Variants in PALM2AKAP2 observed in about 807,000 individuals in gnomAD.
The protein encoded by PALM2AKAP2 is PALM2 and AKAP2 fusion.
Under a neutral mutation model 71.5 loss-of-function variants are expected in PALM2AKAP2, and 37 were observed. The ratio of observed to expected loss-of-function variants is 0.52; its 90% CI spans 0.40 to 0.68. PALM2AKAP2 has a LOEUF of 0.68. PALM2AKAP2 is among the 30% of genes least tolerant of loss of function. The probability of loss-of-function intolerance (pLI) is 0.00; values close to 1 mark genes in which losing one functional copy is unlikely to be tolerated. For synonymous variants in PALM2AKAP2, 468 were observed against 478.8 expected, an observed-to-expected ratio of 0.98 and a Z score of 0.29; for missense variants, 1,224 against 1,191.8, an observed-to-expected ratio of 1.03 and a Z score of -0.40.
intron 1 of PALM2AKAP2, among the ~76,000 whole-genome samples, chr9:109,684,690 A>G (rs2118528047): frequency 6.6e-6 from 1 of 152,366 alleles, no homozygotes; most frequent in Non-Finnish European, 1.5e-5. Flanking sequence ...CACACAAAAT[A>G]AAACCTCTTT....
At chr9:110,012,369 C>T (rs572455752) in intron 6 of PALM2AKAP2, among the ~76,000 whole-genome samples, 1,559 of 152,094 alleles carry the variant, frequency 0.01, 25 homozygotes, top group African/African-American at 0.036. Context: ...CCAATTTTTG[C>T]CCTAATTTCT....
chr9:109,780,095 C>G (rs1240345325), upstream of PALM2AKAP2, among the ~76,000 whole-genome samples: 1 of 151,176 alleles, frequency 6.6e-6, no homozygotes, highest in Non-Finnish European at 1.5e-5. Flanking sequence ...CCGCCTTGGA[C>G]CGCGGCCTCG....
intron 1 of PALM2AKAP2, among the ~76,000 whole-genome samples, chr9:109,687,447 T>A (rs1471140949): frequency 6.6e-6 from 1 of 152,234 alleles, no homozygotes; most frequent in African/African-American, 2.4e-5. Flanking sequence ...CACTTGCTAC[T>A]TTGTCTTGCA....
chr9:109,954,992 A>G (rs1309966830), intron 6 of PALM2AKAP2, among the ~76,000 whole-genome samples: 1 of 152,006 alleles, frequency 6.6e-6, no homozygotes, highest in Non-Finnish European at 1.5e-5. Flanking sequence ...ACCAACACCA[A>G]CACCACCACC....
At chr9:110,018,629 C>A (rs1222970370) in intron 7 of PALM2AKAP2, among the ~76,000 whole-genome samples, 1 of 152,156 alleles carries the variant, frequency 6.6e-6, no homozygotes, top group Admixed American at 6.5e-5. Flanking sequence ...CTCCACCCAG[C>A]CAGCAAAATA....
chr9:109,897,584 G>GA (rs370434556), intron 3 of PALM2AKAP2, among the ~76,000 whole-genome samples: 152 of 147,310 alleles, frequency 1.0e-3, no homozygotes, highest in Middle Eastern at 6.9e-3. Context: ...ATCTCAAAAA[G>GA]AAAAAAAAAA....
At chr9:110,010,996 C>CAAAAAAAAAAA (rs754903953) in intron 6 of PALM2AKAP2, among the ~76,000 whole-genome samples, 1 of 54,298 alleles carries the variant, frequency 1.8e-5, no homozygotes, top group African/African-American at 7.2e-5. Context: ...AACTCTGTCT[C>CAAAAAAAAAAA]AAAAAAAAAA....
At chr9:110,086,118 A>T (rs565840265) in intron 1 of PALM2AKAP2, among the ~76,000 whole-genome samples, 67 of 152,014 alleles carry the variant, frequency 4.4e-4, no homozygotes, top group African/African-American at 1.6e-3. Context: ...AAAAAAAAAA[A>T]AAAAAGAAAT....
intron 1 of PALM2AKAP2, among the ~76,000 whole-genome samples, chr9:109,840,792 G>C (rs946403018): frequency 6.6e-6 from 1 of 152,194 alleles, no homozygotes; most frequent in Non-Finnish European, 1.5e-5. Flanking sequence ...GGCCATCAGA[G>C]AAATGCAGAT....
chr9:109,866,074 C>CT (rs1829440463), intron 1 of PALM2AKAP2, among the ~76,000 whole-genome samples: 1 of 152,178 alleles, frequency 6.6e-6, no homozygotes, highest in Non-Finnish European at 1.5e-5. Context: ...ATATCCGTGA[C>CT]TTAGATATCA....
intron 6 of PALM2AKAP2, among the ~76,000 whole-genome samples, chr9:109,947,524 A>G (rs1831537062): frequency 6.6e-6 from 1 of 152,256 alleles, no homozygotes; most frequent in Non-Finnish European, 1.5e-5. Context: ...GAGGGAGGGA[A>G]CATGGTCATA....
rs140057898 is a variant in PALM2AKAP2, at chr9:110,026,377, C to T, written c.582+10338C>T. Among the ~76,000 whole-genome samples, 24 of 152,262 alleles carry T rather than the reference C, an allele frequency of 1.6e-4. No homozygotes were observed. In the East Asian group the frequency reaches 1.7e-3, roughly 11 times the overall value. On this transcript the variant is annotated intron_variant, in intron 7 of 9. Coordinates refer to the PALM2AKAP2 transcript ENST00000302798. ...TACAGGTGTAAGCCATCACACCCAGCGATTATCTCTCTTTTCTATTTTCCC... is the reference window on the plus strand; with the variant it reads ...TACAGGTGTAAGCCATCACACCCAGTGATTATCTCTCTTTTCTATTTTCCC...
At position 110,034,606 on chromosome 9, in the gene PALM2AKAP2, T is replaced by C. The variant is rs1041693636; in HGVS notation, c.582+18567T>C. 3.3e-3 allele frequency among the ~76,000 whole-genome samples: 423 copies of C among 129,404 alleles called. 3 individuals carry two copies. The highest frequency in any genetic ancestry group is 0.013 in the African/African-American group (396 of 31,602). 84.9% of individuals were successfully genotyped at this position (129,404 alleles called of 152,430 possible). A position where few individuals can be genotyped will look rare whatever the true frequency, so the allele number is the denominator to read the frequency against. Reference sequence around the variant, plus strand: ...TAACTATCAAGCCATATATTCCCCTTTTTTTTTTTTTTTTTTTTTTTGAGA... The same window carrying C: ...TAACTATCAAGCCATATATTCCCCTCTTTTTTTTTTTTTTTTTTTTTGAGA... On this transcript the variant is annotated intron_variant, in intron 7 of 9. Coordinates refer to the PALM2AKAP2 transcript ENST00000302798.
intron 1 of PALM2AKAP2, among the ~76,000 whole-genome samples, chr9:109,718,528 G>A (rs1029674134): frequency 2.6e-5 from 4 of 152,062 alleles, no homozygotes; most frequent in Admixed American, 2.6e-4. Flanking sequence ...ACTGTGCTGG[G>A]CCCTGAACAC....
intron 1 of PALM2AKAP2, among the ~76,000 whole-genome samples, chr9:109,689,616 T>C (rs1044605656): frequency 3.9e-5 from 6 of 152,196 alleles, no homozygotes; most frequent in Admixed American, 1.3e-4. Context: ...TCTGAACACA[T>C]TGAGAAATAG....
chr9:109,796,137 T>C (rs1375466259), intron 1 of PALM2AKAP2, among the ~76,000 whole-genome samples: 1 of 152,262 alleles, frequency 6.6e-6, no homozygotes, highest in Non-Finnish European at 1.5e-5. Flanking sequence ...TTAGCAGTCT[T>C]GTGGAACCTA....
At chr9:109,854,993 C>T (rs1174433661) in intron 1 of PALM2AKAP2, among the ~76,000 whole-genome samples, 10 of 151,938 alleles carry the variant, frequency 6.6e-5, no homozygotes, top group Admixed American at 1.3e-4. Flanking sequence ...TGGTCTTCAT[C>T]TCCAGACCTT....
rs199926965 is a variant in PALM2AKAP2 at position 109,925,071 on chromosome 9, G to C, written c.383G>C (p.Ser128Thr). Residue 128 changes from serine to threonine, a missense_variant, in exon 5 of 10, where the codon AGT becomes ACT. Ser to Thr is a moderately conservative substitution (Grantham distance 58). Coordinates refer to the PALM2AKAP2 transcript ENST00000302798. ...TTTTTGTTCCTACAGGGTTTCTCCA[G>C]TACGGATGGAGGTAAGTGCTCTCTG... The C allele has an allele frequency of 3.7e-5, 60 of 1,614,146 alleles. No individual in the cohort carries two copies. The East Asian group carries it at 1.2e-3, about 33-fold the overall frequency.
At chr9:110,035,537 T>C (rs1332078649) in intron 7 of PALM2AKAP2, among the ~76,000 whole-genome samples, 2 of 145,434 alleles carry the variant, frequency 1.4e-5, no homozygotes, top group African/African-American at 5.0e-5. Flanking sequence ...ATATATAGGA[T>C]ATGTTGTGTG....
Sources: allele counts gnomAD v4.1 joint callset (sites outside exome capture counted in the v4.1 genomes callset), GRCh38; gene constraint gnomAD v4.1.1; transcripts MANE v1.5; gene names NCBI Gene and HGNC (gene_info 2026-07-23, HGNC 2026-07-21).